Variants in GRB14 observed in about 807,000 individuals in gnomAD.
GRB14 encodes growth factor receptor-bound protein 14.
GRB14 carries 38 observed loss-of-function variants against 69.1 expected under a neutral mutation model. The ratio of observed to expected loss-of-function variants is 0.55; its 90% CI spans 0.42 to 0.72. The LOEUF (loss-of-function observed/expected upper bound fraction) is 0.72, where lower values mean the gene tolerates loss of function less well. GRB14 is among the 30% of genes least tolerant of loss of function. GRB14 has a pLI of 0.00. For synonymous variants in GRB14, 247 were observed against 241.3 expected (o/e 1.02, Z -0.22); for missense variants, 666 against 666.1 (o/e 1.00, Z 0.00).
chr2:164,572,725 G>A (rs11677541), intron 2 of GRB14, among the ~76,000 whole-genome samples: 62,794 of 151,934 alleles, frequency 0.41, 14,726 homozygotes, highest in Non-Finnish European at 0.53. Context: ...TAGAATGGAG[G>A]TTCCTTGAGG....
At chr2:164,559,456 C>G (rs1037779467) in intron 2 of GRB14, among the ~76,000 whole-genome samples, 5 of 152,094 alleles carry the variant, frequency 3.3e-5, no homozygotes, top group Admixed American at 1.3e-4. Context: ...CTCTTTCCCC[C>G]CAAGTCCCCG....
chr2:164,599,168 C>T (rs536379174), intron 2 of GRB14, among the ~76,000 whole-genome samples: 88 of 152,214 alleles, frequency 5.8e-4, no homozygotes, highest in African/African-American at 2.0e-3. Context: ...TTCTCCAGCA[C>T]GGTGCCTCGA....
chr2:164,578,268 G>A (rs1689301956), intron 2 of GRB14, among the ~76,000 whole-genome samples: 1 of 151,918 alleles, frequency 6.6e-6, no homozygotes, highest in Non-Finnish European at 1.5e-5. Context: ...TAATAATCTT[G>A]TAATATGAAA....
intron 3 of GRB14, among the ~76,000 whole-genome samples, chr2:164,527,777 TG>T (rs1406123111): frequency 6.6e-6 from 1 of 151,980 alleles, no homozygotes; most frequent in African/African-American, 2.4e-5. Context: ...GATAATTAAG[TG>T]GGTGGGAAGG....
At chr2:164,575,479 G>T (rs564287368) in intron 2 of GRB14, among the ~76,000 whole-genome samples, 3 of 151,938 alleles carry the variant, frequency 2.0e-5, no homozygotes, top group Non-Finnish European at 4.4e-5. Context: ...TTTAAGAATC[G>T]TTATGAAATT....
intron 3 of GRB14, among the ~76,000 whole-genome samples, chr2:164,547,177 G>A (rs752092391): frequency 7.2e-5 from 11 of 152,214 alleles, no homozygotes; most frequent in South Asian, 6.2e-4. Flanking sequence ...AAACAACAGC[G>A]AACAGGGAAC....
intron 3 of GRB14, among the ~76,000 whole-genome samples, chr2:164,533,431 A>C (rs1688003024): frequency 6.6e-6 from 1 of 151,064 alleles, no homozygotes; most frequent in South Asian, 2.1e-4. Flanking sequence ...ACGGGGTTTC[A>C]CCATGGTCTT....
intron 2 of GRB14, among the ~76,000 whole-genome samples, chr2:164,558,199 G>C (rs1217140642): frequency 6.6e-6 from 1 of 152,112 alleles, no homozygotes; most frequent in Non-Finnish European, 1.5e-5. Flanking sequence ...CTCAGGCCAA[G>C]AGCCATGAAG....
At chr2:164,579,753 C>G (rs1293553932) in intron 2 of GRB14, among the ~76,000 whole-genome samples, 1 of 152,004 alleles carries the variant, frequency 6.6e-6, no homozygotes, top group Non-Finnish European at 1.5e-5. Flanking sequence ...ATTGGAGGAC[C>G]AGCTATACAC....
chr2:164,497,295 A>G lies in GRB14; in HGVS notation c.1222-12T>C, dbSNP rs1192966358. On this transcript the variant is annotated splice_polypyrimidine_tract_variant and intron_variant, in intron 10 of 13. Coordinates refer to ENST00000263915, the MANE Select transcript of GRB14 (RefSeq NM_004490.3). ...AAACATCCTTTTTTCTGAGCAAGGA[A>G]GGAGAAAACAAATCTCAAGTTTTTA... The G allele has an allele frequency of 6.2e-7, 1 of 1,610,644 alleles. No individual in the cohort carries two copies. Among genetic ancestry groups the G allele is most frequent in the Non-Finnish European group, 8.5e-7 (1 of 1,178,838 alleles).
intron 5 of GRB14, among the ~76,000 whole-genome samples, chr2:164,523,617 C>G (rs550093768): frequency 4.6e-5 from 7 of 152,032 alleles, no homozygotes; most frequent in African/African-American, 1.7e-4. Context: ...AATTGACATG[C>G]AAAACAGGCA....
intron 12 of GRB14, 102 bp downstream of exon 12, chr2:164,496,906 T>C (rs926160455): frequency 1.5e-5 from 13 of 875,606 alleles, no homozygotes; most frequent in Non-Finnish European, 2.2e-5. Flanking sequence ...TGTTTTATGA[T>C]AAGCCCAAAT....
At chr2:164,558,098 C>T (rs909577727) in intron 2 of GRB14, among the ~76,000 whole-genome samples, 1 of 152,120 alleles carries the variant, frequency 6.6e-6, no homozygotes, top group African/African-American at 2.4e-5. Context: ...AAAAAGCCTG[C>T]AGGCAAGAAG....
At chr2:164,614,222 G>T (rs1367849214) in intron 2 of GRB14, among the ~76,000 whole-genome samples, 1 of 152,198 alleles carries the variant, frequency 6.6e-6, no homozygotes, top group African/African-American at 2.4e-5. Context: ...TGGAAAGATA[G>T]ATTTGTTTGA....
intron 2 of GRB14, among the ~76,000 whole-genome samples, chr2:164,576,013 T>C (rs980391611): frequency 2.0e-5 from 3 of 152,074 alleles, no homozygotes; most frequent in African/African-American, 4.8e-5. Context: ...GAGAACCCTC[T>C]ATAACCAAGT....
chr2:164,539,624 T>C (rs1219211697), intron 3 of GRB14: 1 of 152,198 alleles, frequency 6.6e-6, no homozygotes. Context: ...TTTAGACAGA[T>C]GAGAAGCAAC....
intron 2 of GRB14, among the ~76,000 whole-genome samples, chr2:164,579,617 T>C (rs1479265935): frequency 6.6e-6 from 1 of 152,090 alleles, no homozygotes; most frequent in African/African-American, 2.4e-5. Flanking sequence ...AATGAGTCTC[T>C]GGAGAGAACC....
intron 2 of GRB14, among the ~76,000 whole-genome samples, chr2:164,556,576 G>A (rs1165447536): frequency 6.6e-6 from 1 of 151,942 alleles, no homozygotes; most frequent in Non-Finnish European, 1.5e-5. Flanking sequence ...AAAAAGTCAT[G>A]CTCCTTCTCA....
At chr2:164,543,355 T>A (rs1407339225) in intron 3 of GRB14, among the ~76,000 whole-genome samples, 1 of 149,664 alleles carries the variant, frequency 6.7e-6, no homozygotes. Context: ...TATGAAGCCA[T>A]AAAAAAAAGA....
Sources: allele counts gnomAD v4.1 joint callset (sites outside exome capture counted in the v4.1 genomes callset), GRCh38; gene constraint gnomAD v4.1.1; transcripts MANE v1.5; gene names NCBI Gene and HGNC (gene_info 2026-07-23, HGNC 2026-07-21).